The following ELOVL2 variants were observed in gnomAD, a reference collection of about 807,000 sequenced individuals.
ELOVL2 encodes ELOVL fatty acid elongase 2, also known as very long chain fatty acid elongase 2.
Under a neutral mutation model 37.7 loss-of-function variants are expected in ELOVL2, and 38 were observed. The observed-to-expected ratio is 1.01, with a 90% CI of 0.78 to 1.32. The LOEUF (loss-of-function observed/expected upper bound fraction) is 1.32, where lower values mean the gene tolerates loss of function less well. Ranked by LOEUF, ELOVL2 falls within the 40% of genes most tolerant of loss-of-function variation. The pLI, the probability that ELOVL2 is intolerant of heterozygous loss-of-function variation, is 0.00. For missense variants in ELOVL2, 352 were observed against 363.6 expected (o/e 0.97, Z 0.26); for synonymous variants, 115 against 122.3 (o/e 0.94, Z 0.40).
chr6:11,013,239 T>C (rs886067738), intron 1 of ELOVL2, among the ~76,000 whole-genome samples: 13 of 152,142 alleles, frequency 8.5e-5, no homozygotes, highest in Admixed American at 2.0e-4. Flanking sequence ...GGTTACTTAA[T>C]ATAGTTAGTA....
At position 10,982,562 on chromosome 6, in the gene ELOVL2, T is replaced by C. The variant is rs1171589279; in HGVS notation, c.*1219A>G. 3.3e-5 allele frequency: 5 copies of C among 152,342 alleles called. No individual in the cohort carries two copies. The highest frequency in any genetic ancestry group is 3.4e-3 in the Middle Eastern group (1 of 294). The allele number at this position is 152,342 out of a possible 1,614,324, so 9.4% of individuals were successfully genotyped here. On this transcript the variant is annotated 3_prime_UTR_variant, in exon 8 of 8. Coordinates refer to ENST00000354666, the MANE Select transcript of ELOVL2 (RefSeq NM_017770.4). ...GTAGTGAGTAACAGTCCTGCACTTA[T>C]GGAGAAAGGAAATACTCATTAATAC...
At chr6:11,041,872 A>G (rs1783102772) in intron 1 of ELOVL2, among the ~76,000 whole-genome samples, 1 of 152,248 alleles carries the variant, frequency 6.6e-6, no homozygotes, top group African/African-American at 2.4e-5. Flanking sequence ...TTTTGGAATA[A>G]TAAGACTAAC....
intron 1 of ELOVL2, among the ~76,000 whole-genome samples, chr6:11,035,611 C>T (rs533359548): frequency 6.6e-5 from 10 of 152,302 alleles, no homozygotes; most frequent in Non-Finnish European, 1.0e-4. Context: ...ACATTCTTGC[C>T]ATGATAAAGA....
intron 7 of ELOVL2, among the ~76,000 whole-genome samples, chr6:10,985,193 C>G (rs1326060581): frequency 1.3e-5 from 2 of 151,924 alleles, no homozygotes; most frequent in Non-Finnish European, 2.9e-5. Flanking sequence ...ATGTCTTTCG[C>G]CCACTTTTTG....
At chr6:11,023,912 C>T (rs1782804654) in intron 1 of ELOVL2, among the ~76,000 whole-genome samples, 7 of 152,162 alleles carry the variant, frequency 4.6e-5, no homozygotes, top group Admixed American at 6.5e-5. Flanking sequence ...CTATACTTGG[C>T]CTCTATGATG....
chr6:11,042,866 C>G (rs993127134), intron 1 of ELOVL2, among the ~76,000 whole-genome samples: 9 of 152,164 alleles, frequency 5.9e-5, no homozygotes, highest in Non-Finnish European at 1.3e-4. Flanking sequence ...TTATCAAGTA[C>G]CTACTGTGCG....
rs1262631259 is a variant in ELOVL2 at position 10,990,432 on chromosome 6, T to C, written c.516A>G (p.Gly172=). The C allele has an allele frequency of 6.3e-7, 1 of 1,594,464 alleles. No individual in the cohort carries two copies. The highest frequency in any genetic ancestry group is 1.8e-5 in the Admixed American group (1 of 54,908). ...NWIPCGQSFF[G]PTLNSFIHIL... Reference sequence around the variant, plus strand: ...TGTGGATAAAACTGTTCAGTGTTGGTCCAAAGAAACCTATAAAAGTACAGT... The same window carrying C: ...TGTGGATAAAACTGTTCAGTGTTGGCCCAAAGAAACCTATAAAAGTACAGT... Residue 172 remains glycine, a synonymous_variant, in exon 6 of 8, where the codon GGA becomes GGG. Transcript: ENST00000354666.
At chr6:11,004,194 A>G (rs912092075) in intron 3 of ELOVL2, among the ~76,000 whole-genome samples, 5 of 152,126 alleles carry the variant, frequency 3.3e-5, no homozygotes, top group Non-Finnish European at 5.9e-5. Flanking sequence ...CATTTATGGT[A>G]ATATTAATAG....
intron 1 of ELOVL2, 97 bp from the exon 2 acceptor site, chr6:11,010,906 T>G (rs1782563913): frequency 1.1e-6 from 1 of 903,874 alleles, no homozygotes; most frequent in Middle Eastern, 3.3e-4. Context: ...CTGACAGACT[T>G]TCAAAGGGTC....
At chr6:11,014,773 CT>C (rs1782644186) in intron 1 of ELOVL2, among the ~76,000 whole-genome samples, 1 of 152,230 alleles carries the variant, frequency 6.6e-6, no homozygotes, top group Non-Finnish European at 1.5e-5. Flanking sequence ...TGATTGCACT[CT>C]GATTTTCTTT....
chr6:11,042,185 C>T (rs9366716), intron 1 of ELOVL2, among the ~76,000 whole-genome samples: 27,412 of 151,842 alleles, frequency 0.18, 3,136 homozygotes, highest in Middle Eastern at 0.3. Flanking sequence ...TGGTGACGTG[C>T]GCCTGTAATC....
intron 7 of ELOVL2, among the ~76,000 whole-genome samples, chr6:10,985,183 A>G (rs1416470936): frequency 6.6e-6 from 1 of 151,898 alleles, no homozygotes; most frequent in East Asian, 1.9e-4. Context: ...GTGTCTGTTC[A>G]TGTCTTTCGC....
intron 1 of ELOVL2, among the ~76,000 whole-genome samples, chr6:11,022,847 G>A (rs1561725401): frequency 6.6e-6 from 1 of 152,116 alleles, no homozygotes; most frequent in Non-Finnish European, 1.5e-5. Flanking sequence ...GACTATAATA[G>A]TTTCTTTCCA....
intron 1 of ELOVL2, among the ~76,000 whole-genome samples, chr6:11,043,267 C>T (rs1783131305): frequency 6.6e-6 from 1 of 152,096 alleles, no homozygotes. Context: ...GAATATGGAC[C>T]ACTGAAGACA....
intron 7 of ELOVL2, 152 bp downstream of exon 7, chr6:10,989,551 A>T: frequency 1.5e-6 from 1 of 653,578 alleles, no homozygotes; most frequent in South Asian, 2.1e-5. Flanking sequence ...AGGCAGGAGA[A>T]TCACTTGAAC....
chr6:11,026,034 A>C (rs1782834304), intron 1 of ELOVL2, among the ~76,000 whole-genome samples: 1 of 152,140 alleles, frequency 6.6e-6, no homozygotes, highest in African/African-American at 2.4e-5. Flanking sequence ...AACATTCCTG[A>C]GTTTCCTAAG....
At position 10,983,821 on chromosome 6, in the gene ELOVL2, A is replaced by C; in HGVS notation, c.851T>G (p.Phe284Cys). 6.2e-7 allele frequency: 1 copy of C among 1,613,540 alleles called. No homozygotes were observed. The highest frequency in any genetic ancestry group is 8.5e-7 in the Non-Finnish European group (1 of 1,179,848). The change falls in exon 8 of 8, where the codon TTC becomes TGC. Residue 284 changes from phenylalanine (F) to cysteine (C), a missense_variant. Phe to Cys is a radical substitution (Grantham distance 205). Coordinates refer to ENST00000354666, the MANE Select transcript of ELOVL2 (RefSeq NM_017770.4). ...EVKNGFSKAY[F>C]TAANGVMNKK... Reference sequence around the variant, plus strand: ...GTTCATCACTCCATTTGCTGCAGTGAAGTAGGCTTTGGAAAAACCATTCTT... The same window carrying C: ...GTTCATCACTCCATTTGCTGCAGTGCAGTAGGCTTTGGAAAAACCATTCTT...
intron 1 of ELOVL2, among the ~76,000 whole-genome samples, chr6:11,020,635 C>T (rs1476069702): frequency 6.6e-6 from 1 of 152,144 alleles, no homozygotes; most frequent in Non-Finnish European, 1.5e-5. Flanking sequence ...ACTCCAACCC[C>T]ACAGTAAGAG....
intron 4 of ELOVL2, among the ~76,000 whole-genome samples, chr6:10,997,770 G>GT (rs1782295955): frequency 1.3e-5 from 2 of 152,328 alleles, no homozygotes; most frequent in Admixed American, 6.5e-5. Context: ...CAGGAGGTAC[G>GT]TAATTTCCGG....
Sources: allele counts gnomAD v4.1 joint callset (sites outside exome capture counted in the v4.1 genomes callset), GRCh38; gene constraint gnomAD v4.1.1; transcripts MANE v1.5; gene names NCBI Gene and HGNC (gene_info 2026-07-23, HGNC 2026-07-21).